Variants in ADAMTS2 observed in about 807,000 individuals in gnomAD.
The protein encoded by ADAMTS2 is A disintegrin and metalloproteinase with thrombospondin motifs 2.
A neutral mutation model predicts 123.0 loss-of-function variants in ADAMTS2; 50 were observed. That is an observed-to-expected ratio of 0.41 (90% CI 0.32 to 0.51). The LOEUF (loss-of-function observed/expected upper bound fraction) is 0.51. Ranked by LOEUF, ADAMTS2 falls within the 20% of genes least tolerant of loss-of-function variation. The probability of loss-of-function intolerance (pLI) is 0.35; values close to 1 mark genes in which losing one functional copy is unlikely to be tolerated. For synonymous variants in ADAMTS2, 678 were observed against 695.4 expected, an observed-to-expected ratio of 0.98 and a Z score of 0.39; for missense variants, 1,494 against 1,705.2, an observed-to-expected ratio of 0.88 and a Z score of 2.18.
In ADAMTS2 at chr5:179,138,120, T is replaced by C. The variant is rs888759; in HGVS notation, c.1776-176A>G. On this transcript the variant is annotated intron_variant, in intron 11 of 21. Coordinates refer to ENST00000251582, the MANE Select transcript of ADAMTS2 (RefSeq NM_014244.5). ...CCTAGCTGTAAGACCTGGGCAGTTG[T>C]CCAGCCTGTCAGGCCTCAGAGTGAA... Among the ~76,000 whole-genome samples, 66,334 of 152,014 alleles carry C rather than the reference T, an allele frequency of 0.44. 15,046 individuals are homozygous for C. The highest frequency in any genetic ancestry group is 0.56 in the African/African-American group (23,225 of 41,454).
chr5:179,329,100 G>T (rs772261957), intron 2 of ADAMTS2, among the ~76,000 whole-genome samples: 280 of 152,232 alleles, frequency 1.8e-3, no homozygotes, highest in Middle Eastern at 3.4e-3. Context: ...GGCCAAGGAG[G>T]GCGGATCACG....
rs1001390269 is a variant in ADAMTS2, at chr5:179,128,550, G to A, written c.2458-432C>T. Among the ~76,000 whole-genome samples, 1 of 151,932 alleles carries A rather than the reference G, an allele frequency of 6.6e-6. No individual in the cohort carries two copies. Among genetic ancestry groups the A allele is most frequent in the Admixed American group, 6.6e-5 (1 of 15,248 alleles). On this transcript the variant is annotated intron_variant, in intron 16 of 21. Coordinates refer to ENST00000251582, the MANE Select transcript of ADAMTS2 (RefSeq NM_014244.5). The surrounding 1 kb of genome is among the most constrained non-coding windows in gnomAD (Gnocchi z 4.9). ...TGGGATTACAGGCGCCCGCCACCACGCCTGGCTAATTTTTGTATTTTTAGT... is the reference window on the plus strand; with the variant it reads ...TGGGATTACAGGCGCCCGCCACCACACCTGGCTAATTTTTGTATTTTTAGT...
Position 179,197,871 on chromosome 5 carries a change from T to C in ADAMTS2, c.891+9642A>G, listed in dbSNP as rs896865269. Among the ~76,000 whole-genome samples the C allele has an allele frequency of 2.0e-5, 3 of 152,180 alleles. No homozygotes were observed. The highest frequency in any genetic ancestry group is 7.2e-5 in the African/African-American group (3 of 41,436). On this transcript the variant is annotated intron_variant, in intron 4 of 21. Coordinates refer to ENST00000251582, the MANE Select transcript of ADAMTS2 (RefSeq NM_014244.5). The surrounding 1 kb of genome is among the most constrained non-coding windows in gnomAD (Gnocchi z 4.2). ...CACACATCTGAGCTGCCTCCTAGCA[T>C]GGCAGCCTCGCCTGTCAGGCCCAAG...
At chr5:179,281,117 CAA>C (rs1561681658) in intron 2 of ADAMTS2, among the ~76,000 whole-genome samples, 1 of 152,232 alleles carries the variant, frequency 6.6e-6, no homozygotes, top group African/African-American at 2.4e-5. Flanking sequence ...CTCGGCCTCA[CAA>C]AGTGCTGGGA....
intron 10 of ADAMTS2, among the ~76,000 whole-genome samples, chr5:179,141,820 C>A (rs532096056): frequency 6.6e-6 from 1 of 152,168 alleles, no homozygotes; most frequent in African/African-American, 2.4e-5. Flanking sequence ...AGGCCTGGGG[C>A]CCCCTTCCCC....
At chr5:179,206,113 G>A (rs1290480541) in intron 4 of ADAMTS2, among the ~76,000 whole-genome samples, 2 of 152,204 alleles carry the variant, frequency 1.3e-5, no homozygotes, top group Non-Finnish European at 2.9e-5. Flanking sequence ...GAGGGTAAGT[G>A]TGACAACGCT....
At chr5:179,141,572 T>C (rs6895427) in intron 10 of ADAMTS2, among the ~76,000 whole-genome samples, 2,059 of 152,250 alleles carry the variant, frequency 0.014, 41 homozygotes, top group African/African-American at 0.045. Context: ...TTTTTTTTTT[T>C]CTCAAGAAAA....
intron 10 of ADAMTS2, among the ~76,000 whole-genome samples, chr5:179,145,130 C>T (rs1241562676): frequency 2.6e-5 from 4 of 152,102 alleles, no homozygotes; most frequent in Non-Finnish European, 5.9e-5. Context: ...TGCCATTAAG[C>T]ACATGAAAAG....
intron 5 of ADAMTS2, among the ~76,000 whole-genome samples, chr5:179,159,080 C>T (rs1460103704): frequency 2.0e-5 from 3 of 152,260 alleles, no homozygotes; most frequent in Non-Finnish European, 2.9e-5. Flanking sequence ...CCCAGTCACA[C>T]TCACCTGCGT....
chr5:179,121,261 C>T (rs377083782), intron 21 of ADAMTS2: 10 of 156,730 alleles, frequency 6.4e-5, no homozygotes, highest in East Asian at 5.6e-4. Flanking sequence ...GCAGCGACGG[C>T]GGTGGCAGCC....
intron 3 of ADAMTS2, among the ~76,000 whole-genome samples, chr5:179,239,180 G>C (rs570884635): frequency 6.6e-4 from 100 of 152,284 alleles, no homozygotes; most frequent in Middle Eastern, 3.4e-3. Flanking sequence ...AGGGAGGTCT[G>C]CTGGGGGCTC....
rs146217716 is a variant in ADAMTS2 at position 179,272,944 on chromosome 5, G to C, written c.655C>G (p.Pro219Ala). The change falls in exon 3 of 22, where the codon CCT becomes GCT. Residue 219 changes from proline to alanine, a missense_variant. By Grantham distance (27) the Pro-to-Ala change is conservative. Around this residue, in one of 6 missense-constraint regions of ADAMTS2, gnomAD observed 184 missense variants for 152.1 expected, o/e 1.21. Transcript: ENST00000251582. The surrounding 1 kb of genome is among the most constrained non-coding windows in gnomAD (Gnocchi z 5.8). ...HVVYRRPPTSPPLGGPQALDT... is the reference protein window; with the variant it reads ...HVVYRRPPTSAPLGGPQALDT... ...AGGGCCTGTGGCCCCCCGAGAGGAG[G>C]GGACGTGGGTGGCCGGCGATACACC... 6.2e-7 allele frequency: 1 copy of C among 1,611,842 alleles called. No individual in the cohort carries two copies. Among genetic ancestry groups the C allele is most frequent in the Non-Finnish European group, 8.5e-7 (1 of 1,179,986 alleles).
At position 179,189,783 on chromosome 5, in the gene ADAMTS2, G is replaced by A. The variant is rs1375613499; in HGVS notation, c.892-8628C>T. Among the ~76,000 whole-genome samples the A allele has an allele frequency of 6.6e-6, 1 of 150,572 alleles. No individual in the cohort carries two copies. Among genetic ancestry groups the A allele is most frequent in the East Asian group, 2.0e-4 (1 of 5,126 alleles). ...TACAAAGTATCTTCTTAAGGATGGG[G>A]GTGGGGAAGAATATTACTAAGTATC... On this transcript the variant is annotated intron_variant, in intron 4 of 21. Transcript: ENST00000251582. The surrounding 1 kb of genome is among the most constrained non-coding windows in gnomAD (Gnocchi z 4.2).
Position 179,285,419 on chromosome 5 carries a change from T to G in ADAMTS2, c.535-12355A>C, listed in dbSNP as rs1440378181. Among the ~76,000 whole-genome samples the G allele has an allele frequency of 6.6e-6, 1 of 152,178 alleles. No homozygotes were observed. The highest frequency in any genetic ancestry group is 1.5e-5 in the Non-Finnish European group (1 of 68,026). On this transcript the variant is annotated intron_variant, in intron 2 of 21. Coordinates refer to ENST00000251582, the MANE Select transcript of ADAMTS2 (RefSeq NM_014244.5). The surrounding 1 kb of genome is among the most constrained non-coding windows in gnomAD (Gnocchi z 4.9). The stretch of plus-strand genomic sequence containing the variant: ...TCTGCTAAATCAAGCAACGCTTGAG[T>G]GGCTCCCTCGGGACCTGGCCTGTCC...
At chr5:179,156,961 C>CTTTTTTTTTTTTT (rs70997667) in intron 6 of ADAMTS2, among the ~76,000 whole-genome samples, 85 of 108,342 alleles carry the variant, frequency 7.8e-4, no homozygotes, top group East Asian at 2.0e-3. Context: ...TTCATTTTTT[C>CTTTTTTTTTTTTT]TTTTTTTTTT....
chr5:179,227,895 G>T (rs1353309448), intron 3 of ADAMTS2, among the ~76,000 whole-genome samples: 1 of 152,150 alleles, frequency 6.6e-6, no homozygotes, highest in Non-Finnish European at 1.5e-5. Flanking sequence ...AGGGTGGAAG[G>T]CAGGGGAGGC....
At chr5:179,336,515 G>A (rs571513250) in intron 2 of ADAMTS2, among the ~76,000 whole-genome samples, 112 of 152,182 alleles carry the variant, frequency 7.4e-4, no homozygotes, top group African/African-American at 2.5e-3. Context: ...AGTGGGGCCC[G>A]CGCCTCCAGG....
At chr5:179,297,794 G>C (rs12652703) in intron 2 of ADAMTS2, among the ~76,000 whole-genome samples, 36,671 of 151,912 alleles carry the variant, frequency 0.24, 5,264 homozygotes, top group African/African-American at 0.39. Flanking sequence ...GTCCCTTCTC[G>C]CCTCCCCTGC....
intron 5 of ADAMTS2, among the ~76,000 whole-genome samples, chr5:179,172,350 C>T (rs1242456835): frequency 1.3e-5 from 2 of 152,136 alleles, no homozygotes; most frequent in African/African-American, 4.8e-5. Flanking sequence ...GAAGTGGGGC[C>T]CCAGCATGGC....
Sources: gnomAD v4.1 joint callset for allele counts (sites outside exome capture counted in the v4.1 genomes callset) on GRCh38, gnomAD v4.1.1 for gene constraint, gnomAD v4.1.1 regional missense constraint, Gnocchi (gnomAD v3.1) non-coding constraint, MANE v1.5 for transcripts, NCBI Gene and HGNC (gene_info 2026-07-23, HGNC 2026-07-21) for gene names.